PTPRD: variants seen among roughly 807,000 people sequenced by gnomAD.
The protein encoded by PTPRD is receptor-type tyrosine-protein phosphatase delta.
A neutral mutation model predicts 214.5 loss-of-function variants in PTPRD; 34 were observed. The observed-to-expected ratio is 0.16, with a 90% CI of 0.12 to 0.21. The LOEUF is 0.21. PTPRD is among the 10% of genes least tolerant of loss of function. The pLI is 1.00. For synonymous variants in PTPRD, 1,128 were observed against 845.7 expected (o/e 1.33, Z -5.79); for missense variants, 2,545 against 2,398.7 (o/e 1.06, Z -1.27).
intron 8 of PTPRD, among the ~76,000 whole-genome samples, chr9:9,462,598 C>T (rs117699490): frequency 0.024 from 3,591 of 152,198 alleles, 71 homozygotes; most frequent in Non-Finnish European, 0.037. Flanking sequence ...CATGACTCCT[C>T]CAGGGTGGCC....
intron 9 of PTPRD, among the ~76,000 whole-genome samples, chr9:9,293,025 C>T (rs1369476632): frequency 6.6e-6 from 1 of 151,512 alleles, no homozygotes; most frequent in African/African-American, 2.4e-5. Flanking sequence ...AAATATTCCC[C>T]GCCTTTCCTT....
chr9:10,087,114 A>T (rs929958224), intron 3 of PTPRD, among the ~76,000 whole-genome samples: 29 of 147,268 alleles, frequency 2.0e-4, no homozygotes, highest in Non-Finnish European at 4.5e-5. Flanking sequence ...ACAATGCTTG[A>T]TTTTTCTCAA....
chr9:9,430,481 A>G (rs10122930), intron 8 of PTPRD, among the ~76,000 whole-genome samples: 6,660 of 151,898 alleles, frequency 0.044, 336 homozygotes, highest in African/African-American at 0.12. Flanking sequence ...TACTGCCCAA[A>G]GTAATTTATA....
chr9:8,936,131 C>G (rs759478581), intron 11 of PTPRD: 3 of 152,100 alleles, frequency 2.0e-5, no homozygotes, highest in Non-Finnish European at 4.4e-5. Flanking sequence ...AACTTCAGGT[C>G]CAGGTGCTGT....
At chr9:8,682,002 C>T (rs953254855) in intron 12 of PTPRD, among the ~76,000 whole-genome samples, 4 of 152,122 alleles carry the variant, frequency 2.6e-5, no homozygotes, top group Admixed American at 6.5e-5. Context: ...ACAAAACATG[C>T]AAGGATTTTT....
chr9:10,444,672 G>C (rs1454065669), intron 2 of PTPRD, among the ~76,000 whole-genome samples: 1 of 151,268 alleles, frequency 6.6e-6, no homozygotes, highest in Admixed American at 6.6e-5. Flanking sequence ...ATGTTATTTG[G>C]AAACTCTTAT....
intron 8 of PTPRD, among the ~76,000 whole-genome samples, chr9:9,535,553 A>C (rs1220872438): frequency 6.6e-6 from 1 of 152,132 alleles, no homozygotes; most frequent in Non-Finnish European, 1.5e-5. Flanking sequence ...ATGTACACAT[A>C]CATTAAAAAC....
chr9:9,577,978 AGAGGTTGCAGTGAGCC>A (rs1369900657), intron 7 of PTPRD, among the ~76,000 whole-genome samples: 2 of 136,256 alleles, frequency 1.5e-5, no homozygotes, highest in Admixed American at 1.7e-4. Flanking sequence ...CCCAGGAGGC[AGAGGTTGCAGTGAGCC>A]GAGATTGTAC....
chr9:10,367,394 C>A (rs915354106), intron 2 of PTPRD, among the ~76,000 whole-genome samples: 1 of 152,058 alleles, frequency 6.6e-6, no homozygotes, highest in Non-Finnish European at 1.5e-5. Context: ...GAGTTCTGCC[C>A]ACTTCCTTGC....
chr9:9,559,111 C>T (rs1196440752), intron 8 of PTPRD, among the ~76,000 whole-genome samples: 2 of 152,126 alleles, frequency 1.3e-5, no homozygotes, highest in Non-Finnish European at 2.9e-5. Context: ...GCCTGTCCTG[C>T]CACACTCTTA....
chr9:9,951,771 G>A (rs1354364523), intron 4 of PTPRD, among the ~76,000 whole-genome samples: 1 of 152,228 alleles, frequency 6.6e-6, no homozygotes, highest in African/African-American at 2.4e-5. Context: ...ATACATCACA[G>A]GAAAGGTAGT....
chr9:8,737,192 C>T (rs984709001), intron 11 of PTPRD, among the ~76,000 whole-genome samples: 2 of 152,174 alleles, frequency 1.3e-5, no homozygotes, highest in Non-Finnish European at 2.9e-5. Flanking sequence ...GGACTAGCAA[C>T]AGTGATAGGA....
At chr9:8,370,141 T>C (rs2081068297) in intron 39 of PTPRD, among the ~76,000 whole-genome samples, 1 of 151,676 alleles carries the variant, frequency 6.6e-6, no homozygotes, top group Non-Finnish European at 1.5e-5. Flanking sequence ...TGCCCCAAAA[T>C]CACATTTTAT....
intron 2 of PTPRD, among the ~76,000 whole-genome samples, chr9:10,542,534 ATGT>A (rs1352002753): frequency 1.3e-5 from 2 of 150,834 alleles, no homozygotes; most frequent in Admixed American, 6.7e-5. Context: ...ATACCTAGTG[ATGT>A]TGTCTTATTA....
rs1010775914 is a variant in PTPRD at position 9,151,858 on chromosome 9, T to C, written c.-143+31446A>G. Among the ~76,000 whole-genome samples the C allele has an allele frequency of 5.3e-5, 8 of 152,180 alleles. 1 individual carries two copies. Among genetic ancestry groups the C allele is most frequent in the Admixed American group, 2.6e-4 (4 of 15,274 alleles). On this transcript the variant is annotated intron_variant, in intron 10 of 45. Transcript: ENST00000381196. The stretch of plus-strand genomic sequence containing the variant: ...GATCACGCCTGGGCCAGTTAGGTGA[T>C]AGCACCCACTGTGTCGTTAAGAACC...
intron 9 of PTPRD, among the ~76,000 whole-genome samples, chr9:9,237,028 T>C (rs2099967250): frequency 6.6e-6 from 1 of 152,198 alleles, no homozygotes; most frequent in Admixed American, 6.5e-5. Context: ...TGGTTCTTAT[T>C]TGTTTGACTT....
intron 2 of PTPRD, among the ~76,000 whole-genome samples, chr9:10,496,907 G>C (rs776529703): frequency 2.0e-5 from 3 of 151,920 alleles, no homozygotes; most frequent in Non-Finnish European, 4.4e-5. Context: ...TCTGTAGACT[G>C]TCTGTTTACT....
intron 2 of PTPRD, among the ~76,000 whole-genome samples, chr9:10,526,430 A>T (rs901684933): frequency 1.3e-5 from 2 of 152,118 alleles, no homozygotes; most frequent in African/African-American, 4.8e-5. Flanking sequence ...TACCCATGCC[A>T]ATTTCATCTT....
At chr9:9,774,963 G>C (rs1236865087) in intron 5 of PTPRD, among the ~76,000 whole-genome samples, 4 of 152,170 alleles carry the variant, frequency 2.6e-5, no homozygotes, top group African/African-American at 9.7e-5. Context: ...AGTAATGGCA[G>C]CTCTGACATT....
Sources: gnomAD v4.1 joint callset for allele counts (sites outside exome capture counted in the v4.1 genomes callset) on GRCh38, gnomAD v4.1.1 for gene constraint, MANE v1.5 for transcripts, NCBI Gene and HGNC (gene_info 2026-07-23, HGNC 2026-07-21) for gene names.